Variants in SYT1 observed in about 807,000 individuals in gnomAD.
SYT1 encodes the protein synaptotagmin 1, also known as synaptotagmin-1.
SYT1 carries 8 observed loss-of-function variants against 44.8 expected under a neutral mutation model. The ratio of observed to expected loss-of-function variants is 0.18; its 90% CI spans 0.10 to 0.32. The LOEUF is 0.32. Ranked by LOEUF, SYT1 falls within the 10% of genes least tolerant of loss-of-function variation. The probability of loss-of-function intolerance (pLI) is 1.00; values close to 1 mark genes in which losing one functional copy is unlikely to be tolerated. For missense variants in SYT1, 286 were observed against 509.3 expected (o/e 0.56, Z 4.22); for synonymous variants, 154 against 188.8 (o/e 0.82, Z 1.51).
chr12:78,989,736 T>C (rs150911704), intron 2 of SYT1, among the ~76,000 whole-genome samples: 1 of 152,194 alleles, frequency 6.6e-6, no homozygotes, highest in East Asian at 1.9e-4. Context: ...TTGTCTAAAA[T>C]TGAGAGGACA....
At chr12:79,303,029 A>C (rs958494749) in intron 8 of SYT1, among the ~76,000 whole-genome samples, 1 of 152,208 alleles carries the variant, frequency 6.6e-6, no homozygotes, top group African/African-American at 2.4e-5. Context: ...TATAGCCCCA[A>C]GCTGAATCTT....
chr12:79,310,349 G>C (rs1463942523), intron 8 of SYT1, among the ~76,000 whole-genome samples: 1 of 152,028 alleles, frequency 6.6e-6, no homozygotes, highest in Non-Finnish European at 1.5e-5. Flanking sequence ...TTATTTCTGA[G>C]GGCTCTGTTC....
chr12:79,228,588 G>C (rs1364997905), intron 4 of SYT1, among the ~76,000 whole-genome samples: 1 of 152,008 alleles, frequency 6.6e-6, no homozygotes, highest in Non-Finnish European at 1.5e-5. Context: ...TTAGGTGTTA[G>C]AGGTCCTTGT....
chr12:79,048,853 T>G (rs1015100200), intron 3 of SYT1, among the ~76,000 whole-genome samples: 3 of 151,862 alleles, frequency 2.0e-5, no homozygotes, highest in Non-Finnish European at 4.4e-5. Flanking sequence ...ACATAGAAAT[T>G]TTTTATCATC....
intron 9 of SYT1, among the ~76,000 whole-genome samples, chr12:79,422,265 A>G (rs1869166547): frequency 6.6e-6 from 1 of 151,986 alleles, no homozygotes; most frequent in Non-Finnish European, 1.5e-5. Context: ...CTTCTGAGGA[A>G]TTTTGTTTTG....
chr12:79,361,009 G>A (rs535704926), intron 9 of SYT1, among the ~76,000 whole-genome samples: 31 of 152,294 alleles, frequency 2.0e-4, no homozygotes, highest in African/African-American at 7.5e-4. Context: ...GTGATAGGCT[G>A]TAATGTATTT....
At chr12:79,119,366 C>T (rs1879467193) in intron 3 of SYT1, among the ~76,000 whole-genome samples, 1 of 152,176 alleles carries the variant, frequency 6.6e-6, no homozygotes, top group Admixed American at 6.5e-5. Context: ...TAACAAGTCC[C>T]TCCTTGATCT....
chr12:78,924,347 GA>G (rs1163708457), intron 1 of SYT1, among the ~76,000 whole-genome samples: 1 of 151,790 alleles, frequency 6.6e-6, no homozygotes, highest in Non-Finnish European at 1.5e-5. Flanking sequence ...ATATATTGGG[GA>G]AAGTTACATT....
intron 9 of SYT1, among the ~76,000 whole-genome samples, chr12:79,406,769 T>A (rs942875258): frequency 2.6e-5 from 4 of 152,118 alleles, no homozygotes; most frequent in African/African-American, 9.7e-5. Context: ...AAAATATTGA[T>A]CACAATAGCA....
chr12:79,095,828 T>C (rs1031077142), intron 3 of SYT1, among the ~76,000 whole-genome samples: 1 of 151,954 alleles, frequency 6.6e-6, no homozygotes. Flanking sequence ...TTCTGAAGAT[T>C]CAATAATTTG....
At chr12:78,976,122 T>C (rs1868813889) in intron 1 of SYT1, among the ~76,000 whole-genome samples, 1 of 152,214 alleles carries the variant, frequency 6.6e-6, no homozygotes, top group African/African-American at 2.4e-5. Flanking sequence ...ATTTACACCA[T>C]GACACTTACC....
At chr12:79,393,627 C>T (rs1884756050) in intron 9 of SYT1, 1 of 152,084 alleles carries the variant, frequency 6.6e-6, no homozygotes, top group Admixed American at 6.5e-5. Flanking sequence ...CTGTTCATAT[C>T]CTTTGCCCAC....
chr12:79,039,442 TG>T (rs1873365224), intron 2 of SYT1, among the ~76,000 whole-genome samples: 1 of 152,000 alleles, frequency 6.6e-6, no homozygotes, highest in South Asian at 2.1e-4. Flanking sequence ...AATAATCCTT[TG>T]CTATGTTCAC....
chr12:79,039,297 A>G (rs1592687290), intron 2 of SYT1, among the ~76,000 whole-genome samples: 1 of 152,182 alleles, frequency 6.6e-6, no homozygotes, highest in East Asian at 1.9e-4. Context: ...ACACAACCCT[A>G]CCTAAACAGA....
At chr12:79,362,191 G>C (rs543852231) in intron 9 of SYT1, among the ~76,000 whole-genome samples, 1 of 152,014 alleles carries the variant, frequency 6.6e-6, no homozygotes, top group Non-Finnish European at 1.5e-5. Context: ...TAAGATAAAC[G>C]TTTCCAGCCA....
intron 9 of SYT1, among the ~76,000 whole-genome samples, chr12:79,363,103 T>C (rs1883382967): frequency 6.6e-6 from 1 of 152,114 alleles, no homozygotes; most frequent in South Asian, 2.1e-4. Flanking sequence ...TGGCCACTTC[T>C]ATTCCCTTCT....
intron 4 of SYT1, among the ~76,000 whole-genome samples, chr12:79,241,129 G>A (rs961632553): frequency 6.6e-6 from 1 of 152,172 alleles, no homozygotes; most frequent in African/African-American, 2.4e-5. Flanking sequence ...AACTGTGATA[G>A]TGCCACTGCA....
chr12:79,067,740 C>T (rs993965509), intron 3 of SYT1, among the ~76,000 whole-genome samples: 12 of 152,072 alleles, frequency 7.9e-5, no homozygotes, highest in Non-Finnish European at 1.5e-4. Flanking sequence ...TGAGAGAAGT[C>T]GGGATATGGA....
intron 8 of SYT1, among the ~76,000 whole-genome samples, chr12:79,303,085 T>C (rs1238683521): frequency 6.6e-6 from 1 of 152,156 alleles, no homozygotes; most frequent in Non-Finnish European, 1.5e-5. Flanking sequence ...GTATTTATTG[T>C]ATACACAAGT....
Sources: gnomAD v4.1 joint callset for allele counts (sites outside exome capture counted in the v4.1 genomes callset) on GRCh38, gnomAD v4.1.1 for gene constraint, MANE v1.5 for transcripts, NCBI Gene and HGNC (gene_info 2026-07-23, HGNC 2026-07-21) for gene names.